Variants in PCDHGA4 observed in about 807,000 individuals in gnomAD.
The protein encoded by PCDHGA4 is protocadherin gamma subfamily A, 4.
A neutral mutation model predicts 54.6 loss-of-function variants in PCDHGA4; 38 were observed. The ratio of observed to expected loss-of-function variants is 0.70; its 90% CI spans 0.54 to 0.91. The LOEUF (loss-of-function observed/expected upper bound fraction) is 0.91. Ranked by LOEUF, PCDHGA4 falls within the 40% of genes least tolerant of loss-of-function variation. The pLI, the probability that PCDHGA4 is intolerant of heterozygous loss-of-function variation, is 0.00. For missense variants in PCDHGA4, 1,298 were observed against 1,220.9 expected (o/e 1.06, Z -0.94); for synonymous variants, 511 against 512.9 (o/e 1.00, Z 0.05).
intron 2 of PCDHGA4, among the ~76,000 whole-genome samples, chr5:141,500,508 C>T (rs2099801020): frequency 6.6e-6 from 1 of 152,078 alleles, no homozygotes; most frequent in African/African-American, 2.4e-5. Context: ...CGCGCCTGGC[C>T]GAGCTTCATT....
chr5:141,394,007 A>G lies in PCDHGA4; in HGVS notation c.2514+36386A>G, dbSNP rs1230558462. The G allele has an allele frequency of 3.7e-6, 6 of 1,613,344 alleles. No homozygotes were observed. The East Asian group carries it at 1.3e-4, about 36-fold the overall frequency. Reference sequence around the variant, plus strand: ...TACCTTTTAAATTAGAAAAGTCAATAGGTAATTATTATAGATTAGTGACAA... The same window carrying G: ...TACCTTTTAAATTAGAAAAGTCAATGGGTAATTATTATAGATTAGTGACAA... On this transcript the variant is annotated intron_variant, in intron 1 of 3. Coordinates refer to ENST00000571252, the MANE Select transcript of PCDHGA4 (RefSeq NM_018917.4).
intron 1 of PCDHGA4, among the ~76,000 whole-genome samples, chr5:141,397,616 T>G (rs918214976): frequency 2.0e-5 from 3 of 152,194 alleles, no homozygotes; most frequent in Non-Finnish European, 4.4e-5. Context: ...AGGGCAATAC[T>G]TAGTTCTAGC....
chr5:141,374,582 C>T, intron 1 of PCDHGA4: 1 of 1,613,744 alleles, frequency 6.2e-7, no homozygotes, highest in Non-Finnish European at 8.5e-7. Context: ...AATGAACTCC[C>T]TTCAGGGATT....
intron 1 of PCDHGA4, chr5:141,361,945 C>T (rs1762247268): frequency 6.2e-7 from 1 of 1,604,808 alleles, no homozygotes; most frequent in African/African-American, 1.3e-5. Flanking sequence ...CAACGCTTGG[C>T]TGTCCTACCA....
intron 1 of PCDHGA4, chr5:141,427,797 G>T: frequency 6.6e-7 from 1 of 1,505,306 alleles, no homozygotes; most frequent in Non-Finnish European, 9.1e-7. Flanking sequence ...CTACGTGTCC[G>T]TGAGCGCACA....
At chr5:141,466,036 G>A (rs981390655) in intron 1 of PCDHGA4, among the ~76,000 whole-genome samples, 17 of 152,064 alleles carry the variant, frequency 1.1e-4, no homozygotes, top group Non-Finnish European at 2.5e-4. Flanking sequence ...GCAGGAGAAC[G>A]GCATGAACCC....
intron 1 of PCDHGA4, chr5:141,361,337 A>G (rs1374845034): frequency 1.9e-6 from 3 of 1,613,878 alleles, no homozygotes; most frequent in South Asian, 1.1e-5. Flanking sequence ...TCAAAGAACT[A>G]TTACAAACTA....
intron 1 of PCDHGA4, chr5:141,414,091 A>C (rs774168035): frequency 7.5e-6 from 12 of 1,594,412 alleles, no homozygotes; most frequent in African/African-American, 1.3e-5. Flanking sequence ...TGGAGAAATA[A>C]AAATATCAGA....
chr5:141,383,975 A>G (rs2150246512), intron 1 of PCDHGA4: 3 of 1,613,820 alleles, frequency 1.9e-6, no homozygotes, highest in South Asian at 2.2e-5. Flanking sequence ...ATCCCTGAAG[A>G]CACACCTCTT....
In PCDHGA4 at chr5:141,357,032, C is replaced by A. The variant is rs754361100; in HGVS notation, c.1925C>A (p.Ser642Tyr). ...TGGCTGTCCTACAGCCTACTCAAGT[C>A]CAGCGAGCCGGGACTATTTGCAGTG... The part of the protein sequence containing the change: ...NAWLSYSLLK[S>Y]SEPGLFAVGL... The change falls in exon 1 of 4, where the codon TCC becomes TAC. Residue 642 changes from serine (S) to tyrosine (Y), a missense_variant. By Grantham distance (144) the Ser-to-Tyr change is moderately radical (BLOSUM62 -2). Coordinates refer to ENST00000571252, the MANE Select transcript of PCDHGA4 (RefSeq NM_018917.4). 1.2e-6 allele frequency: 2 copies of A among 1,614,066 alleles called. No individual in the cohort carries two copies. The highest frequency in any genetic ancestry group is 1.7e-6 in the Non-Finnish European group (2 of 1,179,980).
chr5:141,389,270 C>A, intron 1 of PCDHGA4: 1 of 1,614,004 alleles, frequency 6.2e-7, no homozygotes, highest in Non-Finnish European at 8.5e-7. Flanking sequence ...TGGCCGAGAA[C>A]AACCCGCCTG....
At chr5:141,426,933 G>A (rs1294433096) in intron 1 of PCDHGA4, 1 of 456,660 alleles carries the variant, frequency 2.2e-6, no homozygotes, top group Non-Finnish European at 4.4e-6. Context: ...GGACATGGGT[G>A]ACCCAGTCCC....
chr5:141,457,471 C>T (rs1478580665), intron 1 of PCDHGA4, among the ~76,000 whole-genome samples: 1 of 152,182 alleles, frequency 6.6e-6, no homozygotes, highest in African/African-American at 2.4e-5. Context: ...CAGGAATAAG[C>T]AGGGCCAGGG....
intron 1 of PCDHGA4, chr5:141,427,456 G>C (rs1172525843): frequency 2.0e-6 from 1 of 492,524 alleles, no homozygotes; most frequent in African/African-American, 1.9e-5. Flanking sequence ...GTTCCTTTTA[G>C]AATCGAATCT....
rs368512862 is a variant in PCDHGA4 at position 141,491,734 on chromosome 5, G to T, written c.2515-3073G>T. ...CTCGGCGCCGCCCCGGGCGACCCCT[G>T]GGGGCGGCACTGGAGAAGCCGCCCG... On this transcript the variant is annotated intron_variant, in intron 1 of 3. Transcript: ENST00000571252. The surrounding 1 kb of genome is among the most constrained non-coding windows in gnomAD (Gnocchi z 6.9). 2.5e-4 allele frequency: 403 copies of T among 1,602,056 alleles called. No individual in the cohort carries two copies. Among genetic ancestry groups the T allele is most frequent in the Non-Finnish European group, 3.2e-4 (380 of 1,174,948 alleles).
chr5:141,419,332 C>A, intron 1 of PCDHGA4: 1 of 1,613,950 alleles, frequency 6.2e-7, no homozygotes, highest in South Asian at 1.1e-5. Context: ...CCTACTCTCT[C>A]ATTGCCAGCG....
chr5:141,454,894 G>A (rs1371368633), intron 1 of PCDHGA4, among the ~76,000 whole-genome samples: 2 of 126,736 alleles, frequency 1.6e-5, no homozygotes, highest in Non-Finnish European at 3.1e-5. Context: ...TGCTAGCACC[G>A]CCTCCCGGGT....
At chr5:141,409,357 T>C (rs754237134) in intron 1 of PCDHGA4, 4 of 1,613,968 alleles carry the variant, frequency 2.5e-6, no homozygotes, top group Non-Finnish European at 2.5e-6. Flanking sequence ...TCAGGTGTAA[T>C]ATAGAAACAG....
In PCDHGA4 at chr5:141,404,211, T is replaced by C. The variant is rs1423741415; in HGVS notation, c.2514+46590T>C. ...CGAGAAAAAGCCTCAGAATATAATATCACGGTGACTGCAACAGACAGAGGA... is the reference window on the plus strand; with the variant it reads ...CGAGAAAAAGCCTCAGAATATAATACCACGGTGACTGCAACAGACAGAGGA... On this transcript the variant is annotated intron_variant, in intron 1 of 3. Coordinates refer to ENST00000571252, the MANE Select transcript of PCDHGA4 (RefSeq NM_018917.4). 3 of 1,613,606 alleles carry C rather than the reference T, an allele frequency of 1.9e-6. No homozygotes were observed. The Admixed American group carries it at 5.0e-5, about 27-fold the overall frequency.
Sources: allele counts gnomAD v4.1 joint callset (sites outside exome capture counted in the v4.1 genomes callset), GRCh38; gene constraint gnomAD v4.1.1; non-coding constraint Gnocchi (gnomAD v3.1); transcripts MANE v1.5; gene names NCBI Gene and HGNC (gene_info 2026-07-23, HGNC 2026-07-21).